VGLL4: variants seen among roughly 807,000 people sequenced by gnomAD.
VGLL4 encodes vestigial like family member 4.
In VGLL4, 7 loss-of-function variants were observed where a neutral mutation model predicts 21.0. The ratio of observed to expected loss-of-function variants is 0.33; its 90% confidence interval spans 0.19 to 0.63. VGLL4 has a LOEUF of 0.63. Among genes scored for constraint, VGLL4 ranks in the 20% least tolerant of loss-of-function variants. VGLL4 has a pLI of 0.78. For missense variants in VGLL4, 394 were observed against 425.7 expected, an observed-to-expected ratio of 0.93 and a Z score of 0.66; for synonymous variants, 222 against 173.2, an observed-to-expected ratio of 1.28 and a Z score of -2.21.
At chr3:11,604,886 C>T (rs1368305728) in intron 1 of VGLL4, among the ~76,000 whole-genome samples, 2 of 144,086 alleles carry the variant, frequency 1.4e-5, no homozygotes, top group East Asian at 4.1e-4. Context: ...AGATGTTATT[C>T]ATCGAAAAAA....
chr3:11,571,227 T>C lies in VGLL4; in HGVS notation c.273-6208A>G, dbSNP rs576265094. Among the ~76,000 whole-genome samples, 6 of 152,222 alleles carry C rather than the reference T, an allele frequency of 3.9e-5. No homozygotes were observed. The South Asian group carries it at 1.2e-3, about 32-fold the overall frequency. On this transcript the variant is annotated intron_variant, in intron 2 of 4. Coordinates refer to ENST00000430365, the MANE Select transcript of VGLL4 (RefSeq NM_001128219.3). Reference sequence around the variant, plus strand: ...TGGCAGGGACACAGGGCAGAGACTGTCTCTGCCTTCTATGCGTCAGCAACT... The same window carrying C: ...TGGCAGGGACACAGGGCAGAGACTGCCTCTGCCTTCTATGCGTCAGCAACT...
chr3:11,562,090 G>A (rs1043298029), intron 3 of VGLL4, among the ~76,000 whole-genome samples: 2 of 151,842 alleles, frequency 1.3e-5, no homozygotes, highest in Non-Finnish European at 2.9e-5. Context: ...TAAAAACAGG[G>A]TTTCACCATG....
intron 1 of VGLL4, among the ~76,000 whole-genome samples, chr3:11,629,230 G>A (rs2075424834): frequency 6.6e-6 from 1 of 152,142 alleles, no homozygotes; most frequent in African/African-American, 2.4e-5. Flanking sequence ...TGTTTCTGGG[G>A]TGTAGCCAAT....
intron 2 of VGLL4, among the ~76,000 whole-genome samples, chr3:11,581,347 G>A (rs1006456424): frequency 2.6e-5 from 4 of 152,234 alleles, no homozygotes; most frequent in African/African-American, 7.2e-5. Context: ...GATTACAGAC[G>A]TGAGCCACCG....
At chr3:11,569,050 A>G in intron 2 of VGLL4, 1 of 549,794 alleles carries the variant, frequency 1.8e-6, no homozygotes, top group Non-Finnish European at 2.4e-6. Context: ...AAGCTAAGAA[A>G]CCAAGAATGT....
chr3:11,591,270 G>A (rs146848547), intron 2 of VGLL4, among the ~76,000 whole-genome samples: 3 of 152,312 alleles, frequency 2.0e-5, no homozygotes, highest in South Asian at 2.1e-4. Context: ...TCTAATAGGC[G>A]TTCCTCTTTG....
At chr3:11,631,331 A>C (rs6783054) in intron 1 of VGLL4, among the ~76,000 whole-genome samples, 71,492 of 152,006 alleles carry the variant, frequency 0.47, 16,934 homozygotes, top group Non-Finnish European at 0.51. Flanking sequence ...ATGGAGGCCA[A>C]AGTTTAGACA....
At position 11,599,427 on chromosome 3, in the gene VGLL4, G is replaced by A. The variant is rs1008137477; in HGVS notation, c.272+2406C>T. On this transcript the variant is annotated intron_variant, in intron 2 of 4. Transcript: ENST00000430365. ...TTGTGATTTGCACATAAAATTTGGCGATTCTATTATTTACACTTAAAATTA... is the reference window on the plus strand; with the variant it reads ...TTGTGATTTGCACATAAAATTTGGCAATTCTATTATTTACACTTAAAATTA... 9.4e-5 allele frequency among the ~76,000 whole-genome samples: 14 copies of A among 148,960 alleles called. 2 individuals carry two copies. Among genetic ancestry groups the A allele is most frequent in the Admixed American group, 6.0e-4 (9 of 14,936 alleles).
intron 1 of VGLL4, among the ~76,000 whole-genome samples, chr3:11,635,769 G>C (rs887165545): frequency 6.6e-6 from 1 of 152,242 alleles, no homozygotes; most frequent in Admixed American, 6.5e-5. Flanking sequence ...AGCTGTGCTA[G>C]AAAACTGCAC....
chr3:11,697,389 G>GA (rs1362326824), intron 2 of VGLL4, among the ~76,000 whole-genome samples: 1 of 151,906 alleles, frequency 6.6e-6, no homozygotes, highest in Non-Finnish European at 1.5e-5. Flanking sequence ...TTACAGGCAT[G>GA]AGCCACCATG....
chr3:11,612,929 G>A (rs1333964364), intron 1 of VGLL4, among the ~76,000 whole-genome samples: 1 of 152,192 alleles, frequency 6.6e-6, no homozygotes. Context: ...ACATTTTACT[G>A]TTAATGAGGA....
intron 2 of VGLL4, among the ~76,000 whole-genome samples, chr3:11,665,383 G>A (rs1415640601): frequency 2.0e-5 from 3 of 152,090 alleles, no homozygotes; most frequent in Non-Finnish European, 4.4e-5. Context: ...AAAGTGCTGG[G>A]ATTACAGGCC....
At chr3:11,663,702 A>G (rs934112425) in intron 2 of VGLL4, among the ~76,000 whole-genome samples, 4 of 152,188 alleles carry the variant, frequency 2.6e-5, no homozygotes, top group African/African-American at 9.7e-5. Flanking sequence ...TGGGTGACAG[A>G]GCAAGGCTCC....
intron 1 of VGLL4, among the ~76,000 whole-genome samples, chr3:11,712,599 A>G (rs886470756): frequency 6.6e-6 from 1 of 152,220 alleles, no homozygotes; most frequent in African/African-American, 2.4e-5. Flanking sequence ...AGGCACCAAG[A>G]ATGGAAGTGA....
intron 2 of VGLL4, among the ~76,000 whole-genome samples, chr3:11,589,385 C>G (rs2074432390): frequency 6.6e-6 from 1 of 152,062 alleles, no homozygotes; most frequent in Non-Finnish European, 1.5e-5. Context: ...TCTGAAAGCC[C>G]CAAGCATTAA....
intron 1 of VGLL4, among the ~76,000 whole-genome samples, chr3:11,627,800 C>T (rs2075386474): frequency 6.6e-6 from 1 of 152,018 alleles, no homozygotes. Context: ...AGACTATAAA[C>T]TCAACAGAAA....
intron 1 of VGLL4, among the ~76,000 whole-genome samples, chr3:11,642,807 C>T (rs900999221): frequency 1.3e-5 from 2 of 152,174 alleles, no homozygotes; most frequent in Non-Finnish European, 2.9e-5. Flanking sequence ...TGTAATCGCT[C>T]CCACAGGGAG....
At chr3:11,715,630 G>A (rs896088908) in intron 1 of VGLL4, among the ~76,000 whole-genome samples, 13 of 152,060 alleles carry the variant, frequency 8.5e-5, no homozygotes, top group Admixed American at 7.2e-4. Context: ...CACCGGGCCC[G>A]GCCCAGTTCT....
intron 2 of VGLL4, among the ~76,000 whole-genome samples, chr3:11,679,620 T>A (rs2076342302): frequency 6.6e-6 from 1 of 151,970 alleles, no homozygotes. Flanking sequence ...GAGGCGGAGC[T>A]TGCAGTGAGC....
Sources: gnomAD v4.1 joint callset for allele counts (sites outside exome capture counted in the v4.1 genomes callset) on GRCh38, gnomAD v4.1.1 for gene constraint, MANE v1.5 for transcripts, NCBI Gene and HGNC (gene_info 2026-07-23, HGNC 2026-07-21) for gene names.